Variants in BRI3 observed in about 807,000 individuals in gnomAD.
BRI3 encodes the protein brain protein I3, also known as membrane protein BRI3.
Under a neutral mutation model 12.8 loss-of-function variants are expected in BRI3, and 6 were observed. The ratio of observed to expected loss-of-function variants is 0.47; its 90% CI spans 0.26 to 0.93. The LOEUF is 0.93. BRI3 is among the 40% of genes least tolerant of loss of function. The pLI is 0.15. For synonymous variants in BRI3, 91 were observed against 76.1 expected (o/e 1.20, Z -1.02); for missense variants, 134 against 171.1 (o/e 0.78, Z 1.21).
downstream of BRI3, among the ~76,000 whole-genome samples, chr7:98,311,060 A>C (rs75477239): frequency 8.8e-3 from 1,340 of 151,738 alleles, 19 homozygotes; most frequent in African/African-American, 0.031. Context: ...CCCAATCTCC[A>C]CAGAGCCCAG....
At chr7:98,293,080 A>G, downstream of BRI3, 5 of 626,998 alleles carry the variant, frequency 8.0e-6, no homozygotes, top group Non-Finnish European at 8.3e-6. Flanking sequence ...GCTAAGATGC[A>G]AACTTACGTG....
At chr7:98,317,122 G>C in the BRI3 span, 7 of 1,487,588 alleles carry the variant, frequency 4.7e-6, no homozygotes, top group Non-Finnish European at 6.5e-6. Flanking sequence ...CAAAGTGCTG[G>C]GATTACAGGC....
the BRI3 span, among the ~76,000 whole-genome samples, chr7:98,319,827 AGGCATGAGCCACCG>A: frequency 2.0e-5 from 3 of 152,176 alleles, no homozygotes; most frequent in Non-Finnish European, 2.9e-5. Flanking sequence ...CTGGGATTAC[AGGCATGAGCCACCG>A]CACCTGGCCC....
At chr7:98,316,568 G>C in the BRI3 span, among the ~76,000 whole-genome samples, 1 of 152,292 alleles carries the variant, frequency 6.6e-6, no homozygotes, top group Admixed American at 6.5e-5. Flanking sequence ...ATGTGATAAT[G>C]ATCAAAGCAG....
chr7:98,290,397 T>G (rs531205461), intron 2 of BRI3, among the ~76,000 whole-genome samples: 114 of 151,434 alleles, frequency 7.5e-4, no homozygotes, highest in African/African-American at 2.3e-3. Flanking sequence ...GGGTTTCACC[T>G]TGTTAGCCAG....
chr7:98,300,934 CCT>C (rs986824361), intron 1 of BRI3, among the ~76,000 whole-genome samples: 8 of 152,190 alleles, frequency 5.3e-5, no homozygotes, highest in Non-Finnish European at 1.2e-4. Flanking sequence ...AGAAGCCTCC[CCT>C]GATGCGTCCC....
chr7:98,298,756 G>T (rs1800295354), intron 1 of BRI3, among the ~76,000 whole-genome samples: 1 of 152,152 alleles, frequency 6.6e-6, no homozygotes, highest in Non-Finnish European at 1.5e-5. Flanking sequence ...TAATCGAGGT[G>T]GACATAAAAA....
chr7:98,289,721 T>G (rs1482423547), intron 2 of BRI3, among the ~76,000 whole-genome samples: 2 of 152,242 alleles, frequency 1.3e-5, no homozygotes, highest in Non-Finnish European at 2.9e-5. Context: ...GGAGCAAAGC[T>G]TTTCTCATTT....
At chr7:98,321,102 G>A in the BRI3 span, among the ~76,000 whole-genome samples, 2 of 151,580 alleles carry the variant, frequency 1.3e-5, no homozygotes, top group African/African-American at 4.9e-5. Flanking sequence ...CAAGTGATCC[G>A]CACACCTCAG....
At chr7:98,294,519 G>T (rs1418534839), downstream of BRI3, among the ~76,000 whole-genome samples, 1 of 152,190 alleles carries the variant, frequency 6.6e-6, no homozygotes, top group Non-Finnish European at 1.5e-5. Context: ...GCTCACATGT[G>T]AACGAGCCGC....
At chr7:98,309,365 G>C (rs1479356133) in exon 2 of BRI3, 1 of 151,656 alleles carries the variant, frequency 6.6e-6, no homozygotes, top group Admixed American at 6.6e-5. Context: ...ATATTGGCCA[G>C]GCTGGTCTCG....
At chr7:98,291,578 C>G (rs115393163), downstream of BRI3, 4 of 1,078,594 alleles carry the variant, frequency 3.7e-6, no homozygotes, top group Non-Finnish European at 2.3e-6. Context: ...AAGACTGGAA[C>G]GACACCCCCA....
intron 1 of BRI3, among the ~76,000 whole-genome samples, chr7:98,300,262 CCCCCTGCT>C (rs916709435): frequency 4.4e-4 from 3 of 6,746 alleles, no homozygotes; most frequent in African/African-American, 7.4e-4. Context: ...CACAGCCATT[CCCCCTGCT>C]CCCTGCTCCC....
the BRI3 span, chr7:98,317,452 G>A: frequency 7.9e-4 from 1,177 of 1,487,434 alleles, 2 homozygotes; most frequent in African/African-American, 9.8e-4. Flanking sequence ...GTGGCTCAAC[G>A]GGGCCCTGAC....
In BRI3 at chr7:98,291,526, T is replaced by G. The variant is rs1470273609; in HGVS notation, c.*283T>G. ...TCAATAAATGAGATTCATACCATTG[T>G]TGACCTGGTGCTGCTTACTCGGTGC... is the stretch of plus-strand genomic sequence containing the variant. On this transcript the variant is annotated 3_prime_UTR_variant, in exon 3 of 3. Coordinates refer to ENST00000297290, the MANE Select transcript of BRI3 (RefSeq NM_015379.5). 1 of 1,209,020 alleles carries G rather than the reference T, an allele frequency of 8.3e-7. No homozygotes were observed. The highest frequency in any genetic ancestry group is 1.6e-5 in the African/African-American group (1 of 63,724). The allele number at this position is 1,209,020 out of a possible 1,614,324, so 74.9% of individuals were successfully genotyped here. A position where few individuals can be genotyped will look rare whatever the true frequency, so the allele number is the denominator to read the frequency against.
At chr7:98,312,021 C>T (rs577559823), downstream of BRI3, 41 of 1,452,834 alleles carry the variant, frequency 2.8e-5, no homozygotes, top group African/African-American at 5.7e-5. Flanking sequence ...GTGATTCCCA[C>T]CAACACAGGC....
chr7:98,317,371 G>A, the BRI3 span: 1 of 1,612,184 alleles, frequency 6.2e-7, no homozygotes, highest in South Asian at 1.1e-5. Context: ...AAGTTAAATG[G>A]CTGTGCTTAT....
downstream of BRI3, chr7:98,293,366 C>T (rs1027789965): frequency 1.8e-5 from 12 of 679,020 alleles, no homozygotes; most frequent in Admixed American, 2.6e-5. Flanking sequence ...AACCCAACTA[C>T]GTGAAACAGA....
the BRI3 span, chr7:98,323,274 A>C: frequency 2.6e-5 from 4 of 152,202 alleles, no homozygotes; most frequent in Admixed American, 6.5e-5. Flanking sequence ...AAACTCAGTT[A>C]CTTTCACATC....
Sources: gnomAD v4.1 joint callset for allele counts (sites outside exome capture counted in the v4.1 genomes callset) on GRCh38, gnomAD v4.1.1 for gene constraint, MANE v1.5 for transcripts, NCBI Gene and HGNC (gene_info 2026-07-23, HGNC 2026-07-21) for gene names.